Variants in TCF4 observed in about 807,000 individuals in gnomAD.
TCF4 encodes the protein transcription factor 4.
TCF4 carries 3 observed loss-of-function variants against 82.1 expected under a neutral mutation model. The observed-to-expected ratio is 0.04, with a 90% CI of 0.02 to 0.09. The LOEUF is 0.09. Ranked by LOEUF, TCF4 falls within the 10% of genes least tolerant of loss-of-function variation. TCF4 has a pLI of 1.00. For synonymous variants in TCF4, 276 were observed against 309.6 expected (o/e 0.89, Z 1.14); for missense variants, 518 against 852.7 (o/e 0.61, Z 4.89).
intron 2 of TCF4, among the ~76,000 whole-genome samples, chr18:55,631,051 G>A (rs965108093): frequency 1.4e-5 from 2 of 142,300 alleles, no homozygotes; most frequent in Non-Finnish European, 3.0e-5. Flanking sequence ...AGAGCAATGG[G>A]TTTTTTTTTT....
At chr18:55,474,572 T>C (rs1422755118) in intron 3 of TCF4, among the ~76,000 whole-genome samples, 2 of 152,184 alleles carry the variant, frequency 1.3e-5, no homozygotes, top group Non-Finnish European at 2.9e-5. Flanking sequence ...TAATTTATAA[T>C]CTAGGCACTA....
chr18:55,336,885 G>A (rs560174963), intron 8 of TCF4, among the ~76,000 whole-genome samples: 23 of 152,048 alleles, frequency 1.5e-4, no homozygotes, highest in African/African-American at 5.3e-4. Flanking sequence ...CAGTAAGGAG[G>A]CAATTATGTA....
intron 17 of TCF4, 43 bp from the exon 18 acceptor site, chr18:55,229,119 A>G: frequency 6.3e-7 from 1 of 1,599,734 alleles, no homozygotes; most frequent in Non-Finnish European, 8.6e-7. Flanking sequence ...TGGTGTGGGG[A>G]AAAAGAAGGT....
chr18:55,407,647 T>TA (rs1417783693), intron 5 of TCF4, among the ~76,000 whole-genome samples: 37 of 84,030 alleles, frequency 4.4e-4, no homozygotes, highest in East Asian at 2.9e-3. Flanking sequence ...GCAACTTCCA[T>TA]ATAAAAAAAA....
intron 3 of TCF4, among the ~76,000 whole-genome samples, chr18:55,493,113 A>G (rs1055213638): frequency 6.6e-6 from 1 of 152,224 alleles, no homozygotes; most frequent in Non-Finnish European, 1.5e-5. Flanking sequence ...ACATGTTACC[A>G]GTAGTATTTT....
intron 6 of TCF4, among the ~76,000 whole-genome samples, chr18:55,390,754 G>A (rs1414261816): frequency 6.6e-6 from 1 of 152,152 alleles, no homozygotes; most frequent in Non-Finnish European, 1.5e-5. Context: ...AATGACATAT[G>A]GATGGAGACA....
intron 6 of TCF4, among the ~76,000 whole-genome samples, chr18:55,369,397 G>A (rs190094262): frequency 7.0e-4 from 106 of 152,320 alleles, no homozygotes; most frequent in Non-Finnish European, 9.4e-4. Flanking sequence ...AGGTCAAGCA[G>A]ATGGTCAGAG....
chr18:55,285,616 T>C lies in TCF4; in HGVS notation c.550-5960A>G, dbSNP rs757609050. ...TCTCAACAGCACATACAGTCACTAG[T>C]TACCATACTGAACATCACCAACACA... On this transcript the variant is annotated intron_variant, in intron 8 of 19. Coordinates refer to ENST00000354452, the MANE Select transcript of TCF4 (RefSeq NM_001083962.2). Among the ~76,000 whole-genome samples, 88 of 152,342 alleles carry C rather than the reference T, an allele frequency of 5.8e-4. 2 individuals carry two copies. Among genetic ancestry groups the C allele is most frequent in the Middle Eastern group, 3.4e-3 (1 of 294 alleles).
chr18:55,326,401 CAAAAAAAA>C (rs59228811), intron 8 of TCF4, among the ~76,000 whole-genome samples: 17 of 26,382 alleles, frequency 6.4e-4, no homozygotes, highest in Admixed American at 1.8e-3. Context: ...AGAGCAGCAG[CAAAAAAAA>C]AAAAAAAAAA....
At chr18:55,245,602 C>T (rs2052817053) in intron 15 of TCF4, among the ~76,000 whole-genome samples, 1 of 152,198 alleles carries the variant, frequency 6.6e-6, no homozygotes, top group South Asian at 2.1e-4. Context: ...CTGGTATCAT[C>T]AGGCAGTTTT....
In TCF4 at chr18:55,404,025, C is replaced by T. The variant is rs536570701; in HGVS notation, c.305-507G>A. On this transcript the variant is annotated intron_variant, in intron 5 of 19. Coordinates refer to ENST00000354452, the MANE Select transcript of TCF4 (RefSeq NM_001083962.2). ...TCTCTCTCTCTTTTTTAAAAACTCC[C>T]TTTCCCAGGAGTGAACCCCATCATG... The T allele has an allele frequency of 1.5e-4, 178 of 1,187,014 alleles. No individual in the cohort carries two copies. In the African/African-American group the frequency reaches 2.4e-3, roughly 16 times the overall value. The allele number at this position is 1,187,014 out of a possible 1,614,324, so 73.5% of individuals were successfully genotyped here.
chr18:55,299,401 G>C (rs1486042460), intron 8 of TCF4, among the ~76,000 whole-genome samples: 1 of 150,784 alleles, frequency 6.6e-6, no homozygotes, highest in Non-Finnish European at 1.5e-5. Context: ...AACAGAGCGA[G>C]ACTCCATCTC....
chr18:55,567,100 T>C (rs1326124357), intron 3 of TCF4, among the ~76,000 whole-genome samples: 5 of 152,114 alleles, frequency 3.3e-5, no homozygotes, highest in Admixed American at 1.3e-4. Context: ...ACTCTGCATA[T>C]TTAAAACATA....
intron 6 of TCF4, among the ~76,000 whole-genome samples, chr18:55,365,025 C>T (rs1435113565): frequency 6.6e-6 from 1 of 150,836 alleles, no homozygotes; most frequent in Non-Finnish European, 1.5e-5. Flanking sequence ...TGGTGGCATG[C>T]ACCTGTAGTG....
Position 55,580,742 on chromosome 18 carries a change from A to ATGTGTGTGTG in TCF4, c.145+4528_145+4537dup, listed in dbSNP as rs5825144. Among the ~76,000 whole-genome samples, 672 of 145,372 alleles carry ATGTGTGTGTG rather than the reference A, an allele frequency of 4.6e-3. 6 individuals carry two copies. Among genetic ancestry groups the ATGTGTGTGTG allele is most frequent in the Middle Eastern group, 7.1e-3 (2 of 280 alleles). On this transcript the variant is annotated intron_variant, in intron 3 of 19. Transcript: ENST00000354452. ...TAATCTTGCAAAAATGAGCTGTCTG[A>ATGTGTGTGTG]TGTGTGTGTGTGTGTGTGTGTGTGT...
At chr18:55,623,912 T>G (rs1170418384) in intron 2 of TCF4, among the ~76,000 whole-genome samples, 1 of 152,168 alleles carries the variant, frequency 6.6e-6, no homozygotes, top group Non-Finnish European at 1.5e-5. Context: ...AAACATCTAT[T>G]CAGAGGATAT....
At chr18:55,503,847 G>A (rs931817916) in intron 3 of TCF4, among the ~76,000 whole-genome samples, 4 of 152,186 alleles carry the variant, frequency 2.6e-5, no homozygotes, top group African/African-American at 9.6e-5. Flanking sequence ...GGCCGAGGTG[G>A]ACGGATCACT....
rs1220541873 is a variant in TCF4, at chr18:55,227,216, T to C, written c.*819A>G. ...GCAGAGTTGGCACTACAGGTTACGA[T>C]AACAAACCAGGGAAAGGGACAGAAA... On this transcript the variant is annotated 3_prime_UTR_variant, in exon 20 of 20. Coordinates refer to ENST00000354452, the MANE Select transcript of TCF4 (RefSeq NM_001083962.2). 2 of 139,766 alleles carry C rather than the reference T, an allele frequency of 1.4e-5. No individual in the cohort carries two copies. Among genetic ancestry groups the C allele is most frequent in the Admixed American group, 7.3e-5 (1 of 13,762 alleles). The allele number at this position is 139,766 out of a possible 1,614,324, so 8.7% of individuals were successfully genotyped here. A position where few individuals can be genotyped will look rare whatever the true frequency, so the allele number is the denominator to read the frequency against.
rs114275363 is a variant in TCF4, at chr18:55,391,595, C to A, written c.369+11859G>T. Among the ~76,000 whole-genome samples, 223 of 151,994 alleles carry A rather than the reference C, an allele frequency of 1.5e-3. 1 individual carries two copies. Among genetic ancestry groups the A allele is most frequent in the African/African-American group, 5.2e-3 (214 of 41,452 alleles). The stretch of plus-strand genomic sequence containing the variant: ...TGGGCCCAGGTAAGCCCAAGTGGAA[C>A]CAAACGACCACTCACTGACTTGAAT... On this transcript the variant is annotated intron_variant, in intron 6 of 19. Transcript: ENST00000354452.
Sources: allele counts gnomAD v4.1 joint callset (sites outside exome capture counted in the v4.1 genomes callset), GRCh38; gene constraint gnomAD v4.1.1; transcripts MANE v1.5; gene names NCBI Gene and HGNC (gene_info 2026-07-23, HGNC 2026-07-21).